The following AMOTL1 variants were observed in gnomAD, a reference collection of about 807,000 sequenced individuals.
AMOTL1 encodes angiomotin-like protein 1.
Under a neutral mutation model 102.9 loss-of-function variants are expected in AMOTL1, and 45 were observed. That is an observed-to-expected ratio of 0.44 (90% CI 0.34 to 0.56). The LOEUF is 0.56. AMOTL1 is among the 20% of genes least tolerant of loss of function. The probability of loss-of-function intolerance (pLI) is 0.01; values close to 1 mark genes in which losing one functional copy is unlikely to be tolerated. For missense variants in AMOTL1, 1,114 were observed against 1,225.6 expected (o/e 0.91, Z 1.36); for synonymous variants, 481 against 484.7 (o/e 0.99, Z 0.10).
intron 3 of AMOTL1, among the ~76,000 whole-genome samples, chr11:94,809,958 A>G (rs1411470145): frequency 1.3e-5 from 2 of 152,234 alleles, no homozygotes; most frequent in South Asian, 2.1e-4. Context: ...ACACAAATAC[A>G]TAGATATACT....
intron 3 of AMOTL1, among the ~76,000 whole-genome samples, chr11:94,759,173 A>AT (rs1235993183): frequency 2.0e-5 from 3 of 151,190 alleles, no homozygotes; most frequent in African/African-American, 4.9e-5. Context: ...AGCATTCATA[A>AT]TTTTTTTTTC....
chr11:94,706,717 A>T (rs1490753966), intron 1 of AMOTL1: 1 of 152,172 alleles, frequency 6.6e-6, no homozygotes, highest in East Asian at 1.9e-4. Context: ...TTGGGTGGGG[A>T]GGGTGGCTGT....
intron 3 of AMOTL1, among the ~76,000 whole-genome samples, chr11:94,803,095 G>A (rs1388903152): frequency 6.6e-6 from 1 of 152,228 alleles, no homozygotes; most frequent in Non-Finnish European, 1.5e-5. Flanking sequence ...GGTGGGCTCA[G>A]TATGTAATGA....
At chr11:94,778,529 G>C (rs998664079) in intron 1 of AMOTL1, among the ~76,000 whole-genome samples, 2 of 152,150 alleles carry the variant, frequency 1.3e-5, no homozygotes, top group African/African-American at 4.8e-5. Context: ...GATATATAGG[G>C]ATCTTAATTA....
rs554665694 is a variant in AMOTL1 at position 94,739,737 on chromosome 11, G to A, written c.86-1201G>A. ...CTGACCCTGTTATGGGCCATCAGCTGCGGGGCTCTCTCTGGAGCACACCCC... is the reference window on the plus strand; with the variant it reads ...CTGACCCTGTTATGGGCCATCAGCTACGGGGCTCTCTCTGGAGCACACCCC... On this transcript the variant is annotated intron_variant, in intron 2 of 4. Coordinates refer to the AMOTL1 transcript ENST00000299004. 3.3e-5 allele frequency among the ~76,000 whole-genome samples: 5 copies of A among 152,192 alleles called. No homozygotes were observed. In the East Asian group the frequency reaches 9.7e-4, roughly 29 times the overall value.
intron 1 of AMOTL1, among the ~76,000 whole-genome samples, chr11:94,774,329 A>G (rs987904210): frequency 1.3e-5 from 2 of 152,222 alleles, no homozygotes; most frequent in Admixed American, 6.5e-5. Flanking sequence ...CTATAAAAGT[A>G]TGATTTCTGA....
chr11:94,768,230 G>A (rs1950880702), upstream of AMOTL1: 2 of 1,155,808 alleles, frequency 1.7e-6, no homozygotes, highest in Admixed American at 9.8e-5. Context: ...GCGGGTGTCT[G>A]CAGACGGGCT....
Position 94,795,125 on chromosome 11 carries a change from C to T in AMOTL1, c.164C>T (p.Thr55Met), listed in dbSNP as rs202120027. 9.9e-5 allele frequency: 159 copies of T among 1,613,718 alleles called. No individual in the cohort carries two copies. Among genetic ancestry groups the T allele is most frequent in the Middle Eastern group, 3.3e-4 (2 of 6,084 alleles). ...GGGAGGCATGAAACATCTGCTTTGA[C>T]GGTGGAGGCAACCAGTAGCATCAGG... The part of the protein sequence containing the change: ...YSGRHETSAL[T>M]VEATSSIREK... Residue 55 changes from threonine to methionine, a missense_variant, in exon 2 of 13, where the codon ACG becomes ATG. Transcript: ENST00000433060.
At chr11:94,762,577 G>A (rs1950806899) in intron 3 of AMOTL1, among the ~76,000 whole-genome samples, 1 of 152,184 alleles carries the variant, frequency 6.6e-6, no homozygotes, top group South Asian at 2.1e-4. Context: ...GTACTCCCAA[G>A]GTTTCCGTAG....
At chr11:94,797,283 T>A (rs935174751) in intron 2 of AMOTL1, among the ~76,000 whole-genome samples, 3 of 152,244 alleles carry the variant, frequency 2.0e-5, no homozygotes, top group African/African-American at 7.2e-5. Flanking sequence ...ATGCCAGTAG[T>A]TAGTGGTAGA....
At chr11:94,850,495 G>T (rs541779904) in intron 7 of AMOTL1, among the ~76,000 whole-genome samples, 116 of 152,322 alleles carry the variant, frequency 7.6e-4, no homozygotes, top group African/African-American at 2.8e-3. Context: ...ACTCACACTC[G>T]GTGTGAAGCC....
At chr11:94,869,133 A>C (rs1233556068) in intron 11 of AMOTL1, 65 bp from the exon 12 acceptor site, 4 of 1,458,212 alleles carry the variant, frequency 2.7e-6, no homozygotes, top group Non-Finnish European at 2.7e-6. Context: ...ACAGATCTGC[A>C]AGACTAGATT....
At chr11:94,798,857 TG>T (rs1294286296) in intron 2 of AMOTL1, among the ~76,000 whole-genome samples, 2 of 152,106 alleles carry the variant, frequency 1.3e-5, no homozygotes, top group Non-Finnish European at 2.9e-5. Flanking sequence ...ATATGAGGGC[TG>T]GAAAATTCTC....
chr11:94,769,010 G>C (rs1203259098), intron 1 of AMOTL1, among the ~76,000 whole-genome samples: 1 of 152,112 alleles, frequency 6.6e-6, no homozygotes, highest in Non-Finnish European at 1.5e-5. Flanking sequence ...ACGGGCTCTG[G>C]CGCTGTGGAC....
intron 1 of AMOTL1, among the ~76,000 whole-genome samples, chr11:94,724,478 C>T (rs1251341652): frequency 1.3e-5 from 2 of 152,148 alleles, no homozygotes; most frequent in Non-Finnish European, 2.9e-5. Context: ...GCTGAATAAG[C>T]ATATACTGGA....
chr11:94,793,946 G>A (rs1951324592), intron 1 of AMOTL1, among the ~76,000 whole-genome samples: 1 of 152,200 alleles, frequency 6.6e-6, no homozygotes, highest in African/African-American at 2.4e-5. Flanking sequence ...TGTTTCATAT[G>A]TTGAGGCAAA....
At chr11:94,766,492 CTT>C (rs1470979755), upstream of AMOTL1, among the ~76,000 whole-genome samples, 1 of 152,170 alleles carries the variant, frequency 6.6e-6, no homozygotes, top group African/African-American at 2.4e-5. Context: ...ATGGTTGTAA[CTT>C]GGAAATTTTG....
At chr11:94,864,976 A>C in intron 10 of AMOTL1, 116 bp downstream of exon 10, 1 of 1,358,490 alleles carries the variant, frequency 7.4e-7, no homozygotes, top group East Asian at 2.6e-5. Flanking sequence ...GTCTCCAAAA[A>C]CTCTCCTCCC....
In AMOTL1 at chr11:94,753,818, C is replaced by T. The variant is rs1950687558; in HGVS notation, c.136+12830C>T. ...GTTTAACTACAAAACCTTAGCTTGA[C>T]TCACTCACAATACTGCCTACAACTT... is the stretch of plus-strand genomic sequence containing the variant. On this transcript the variant is annotated intron_variant, in intron 3 of 4. Coordinates refer to the AMOTL1 transcript ENST00000299004. Among the ~76,000 whole-genome samples the T allele has an allele frequency of 2.6e-5, 4 of 152,340 alleles. No individual in the cohort carries two copies. In the South Asian group the frequency reaches 8.3e-4, roughly 32 times the overall value.
Sources: gnomAD v4.1 joint callset for allele counts (sites outside exome capture counted in the v4.1 genomes callset) on GRCh38, gnomAD v4.1.1 for gene constraint, MANE v1.5 for transcripts, NCBI Gene and HGNC (gene_info 2026-07-23, HGNC 2026-07-21) for gene names.